ADAMTSL2: variants seen among roughly 807,000 people sequenced by gnomAD.
ADAMTSL2 encodes ADAMTS-like protein 2.
In ADAMTSL2, 55 loss-of-function variants were observed where a neutral mutation model predicts 117.0. That is an observed-to-expected ratio of 0.47 (90% CI 0.38 to 0.59). ADAMTSL2 has a LOEUF of 0.59. Among genes scored for constraint, ADAMTSL2 ranks in the 20% least tolerant of loss-of-function variants. ADAMTSL2 has a pLI of 0.00. For synonymous variants in ADAMTSL2, 572 were observed against 566.4 expected, an observed-to-expected ratio of 1.01 and a Z score of -0.14; for missense variants, 1,182 against 1,354.5, an observed-to-expected ratio of 0.87 and a Z score of 2.00.
intron 3 of ADAMTSL2, 141 bp downstream of exon 3, chr9:133,537,688 C>A: frequency 9.9e-7 from 1 of 1,010,654 alleles, no homozygotes; most frequent in Non-Finnish European, 1.3e-6. Flanking sequence ...TGAGTCCCCC[C>A]ATCAGCCTCT....
intron 17 of ADAMTSL2, among the ~76,000 whole-genome samples, chr9:133,573,456 A>G (rs1417292314): frequency 2.0e-5 from 3 of 152,206 alleles, no homozygotes. Flanking sequence ...ACCACCCCTC[A>G]CTGTGCATCT....
intron 7 of ADAMTSL2, among the ~76,000 whole-genome samples, chr9:133,542,726 A>G (rs2131106643): frequency 6.6e-6 from 1 of 151,792 alleles, no homozygotes; most frequent in Non-Finnish European, 1.5e-5. Flanking sequence ...GCCTGAACCC[A>G]GGCAGCCTAC....
intron 17 of ADAMTSL2, among the ~76,000 whole-genome samples, chr9:133,571,391 C>T (rs1366211079): frequency 6.6e-6 from 1 of 152,182 alleles, no homozygotes; most frequent in African/African-American, 2.4e-5. Context: ...TCCCAAGGGG[C>T]CCTGGGCAGG....
chr9:133,560,130 C>T (rs1830692648), intron 11 of ADAMTSL2, among the ~76,000 whole-genome samples: 1 of 152,208 alleles, frequency 6.6e-6, no homozygotes. Context: ...TGCTCTAAGC[C>T]TGACCACCCC....
chr9:133,545,073 T>C (rs1588284434), intron 8 of ADAMTSL2, among the ~76,000 whole-genome samples: 1 of 152,114 alleles, frequency 6.6e-6, no homozygotes. Flanking sequence ...GTTGTTTCCA[T>C]GATGGACAGA....
intron 7 of ADAMTSL2, among the ~76,000 whole-genome samples, chr9:133,541,981 G>T (rs367987657): frequency 2.0e-5 from 3 of 152,236 alleles, no homozygotes; most frequent in African/African-American, 7.2e-5. Flanking sequence ...GACAGCTTCA[G>T]ACCCACTTAG....
chr9:133,569,308 T>C, intron 15 of ADAMTSL2, 100 bp from the exon 16 acceptor site: 2 of 1,275,654 alleles, frequency 1.6e-6, no homozygotes, highest in Non-Finnish European at 2.2e-6. Context: ...GCTTCGACAC[T>C]GCCTGGGAGC....
chr9:133,569,718 A>G, intron 16 of ADAMTSL2, 140 bp downstream of exon 16: 1 of 907,258 alleles, frequency 1.1e-6, no homozygotes, highest in Non-Finnish European at 1.7e-6. Flanking sequence ...TTCCCTAAAA[A>G]TTAATTTAGA....
At chr9:133,563,958 GGAGAGA>G (rs1830829769) in intron 12 of ADAMTSL2, among the ~76,000 whole-genome samples, 1 of 1,408 alleles carries the variant, frequency 7.1e-4, no homozygotes, top group African/African-American at 4.0e-3. Flanking sequence ...AGAGAGAGAG[GGAGAGA>G]GAGAGGGAGA....
At chr9:133,563,250 A>G (rs1398471207) in intron 12 of ADAMTSL2, among the ~76,000 whole-genome samples, 2 of 152,220 alleles carry the variant, frequency 1.3e-5, no homozygotes, top group African/African-American at 4.8e-5. Context: ...GGCTTCCACC[A>G]TACCCAGGAG....
chr9:133,534,925 A>ACCTCGT lies in ADAMTSL2; in HGVS notation c.-151+11_-151+16dup. 7.2e-7 allele frequency: 1 copy of ACCTCGT among 1,385,410 alleles called. No individual in the cohort carries two copies. Among genetic ancestry groups the ACCTCGT allele is most frequent in the Non-Finnish European group, 9.4e-7 (1 of 1,063,274 alleles). The allele number at this position is 1,385,410 out of a possible 1,614,324, so 85.8% of individuals were successfully genotyped here. On this transcript the variant is annotated intron_variant, in intron 1 of 18. Coordinates refer to ENST00000651351, the MANE Select transcript of ADAMTSL2 (RefSeq NM_014694.4). ...CTGCTGACCCGAAGCCAGGTAGGCC[A>ACCTCGT]CCTCGTCCCCGTCCCCCTCACGTTG...
At chr9:133,542,267 A>G (rs56277109) in intron 7 of ADAMTSL2, among the ~76,000 whole-genome samples, 11,892 of 152,246 alleles carry the variant, frequency 0.078, 769 homozygotes, top group African/African-American at 0.18. Context: ...AGGGGTGTGA[A>G]TAATGCGGGC....
chr9:133,564,305 A>AGAGAGAGG (rs1830868816), intron 12 of ADAMTSL2, among the ~76,000 whole-genome samples: 1 of 50,556 alleles, frequency 2.0e-5, no homozygotes, highest in African/African-American at 8.6e-5. Flanking sequence ...AGAGAGGGAG[A>AGAGAGAGG]GAGAGAGAAA....
At chr9:133,555,154 T>G (rs1000981253) in intron 10 of ADAMTSL2, among the ~76,000 whole-genome samples, 4 of 152,226 alleles carry the variant, frequency 2.6e-5, no homozygotes, top group African/African-American at 7.2e-5. Flanking sequence ...CTCATAGGCC[T>G]CCTCCTCTGT....
At chr9:133,545,888 G>A (rs889877149) in intron 8 of ADAMTSL2, among the ~76,000 whole-genome samples, 1 of 152,096 alleles carries the variant, frequency 6.6e-6, no homozygotes, top group Non-Finnish European at 1.5e-5. Context: ...GCAGAACTTG[G>A]ACTCTAATTT....
At chr9:133,541,145 G>A (rs1830213815) in intron 7 of ADAMTSL2, 144 bp downstream of exon 7, 2 of 1,295,214 alleles carry the variant, frequency 1.5e-6, no homozygotes, top group Non-Finnish European at 2.2e-6. Context: ...CCCAGGCCGG[G>A]TGAGCTGGCC....
chr9:133,533,997 T>G (rs1829991401), upstream of ADAMTSL2, among the ~76,000 whole-genome samples: 1 of 152,152 alleles, frequency 6.6e-6, no homozygotes, highest in Admixed American at 6.5e-5. Context: ...CTCGCTCCCC[T>G]CTGTGCCCTG....
intron 12 of ADAMTSL2, among the ~76,000 whole-genome samples, chr9:133,563,836 AG>A (rs1564508529): frequency 1.2e-4 from 6 of 51,330 alleles, no homozygotes; most frequent in Admixed American, 1.9e-4. Context: ...AGAGAGAGAG[AG>A]AGAGAGGGAG....
At chr9:133,546,028 G>C (rs908938896) in intron 8 of ADAMTSL2, among the ~76,000 whole-genome samples, 1 of 152,046 alleles carries the variant, frequency 6.6e-6, no homozygotes, top group Non-Finnish European at 1.5e-5. Context: ...TTTGGAAGCC[G>C]AACTCCTCTT....
Sources: allele counts gnomAD v4.1 joint callset (sites outside exome capture counted in the v4.1 genomes callset), GRCh38; gene constraint gnomAD v4.1.1; transcripts MANE v1.5; gene names NCBI Gene and HGNC (gene_info 2026-07-23, HGNC 2026-07-21).